Variants in DIAPH2 observed in about 807,000 individuals in gnomAD.
DIAPH2 encodes diaphanous related formin 2, also known as protein diaphanous homolog 2.
DIAPH2 carries 35 observed loss-of-function variants against 92.7 expected under a neutral mutation model. That is an observed-to-expected ratio of 0.38 (90% confidence interval 0.29 to 0.50). The LOEUF (loss-of-function observed/expected upper bound fraction) is 0.50, where lower values mean the gene tolerates loss of function less well. Among genes scored for constraint, DIAPH2 ranks in the 20% least tolerant of loss-of-function variants. The probability of loss-of-function intolerance (pLI) is 0.94; values close to 1 mark genes in which losing one functional copy is unlikely to be tolerated. For missense variants in DIAPH2, 701 were observed against 819.5 expected (o/e 0.86, Z 1.77); for synonymous variants, 301 against 280.4 (o/e 1.07, Z -0.73).
chrX:96,938,481 T>A (rs2065672458), intron 11 of DIAPH2, among the ~76,000 whole-genome samples: 1 of 111,891 alleles, frequency 8.9e-6, no homozygotes, highest in Admixed American at 9.5e-5. Flanking sequence ...CTCATGAGAC[T>A]TTAGCACAAC....
chrX:97,494,604 C>T (rs747591388), intron 26 of DIAPH2, among the ~76,000 whole-genome samples: 1 of 112,136 alleles, frequency 8.9e-6, no homozygotes, highest in Non-Finnish European at 1.9e-5. Context: ...AGCCACCCTT[C>T]CCATTCTTTC....
At chrX:97,486,675 T>G (rs1440945819) in intron 26 of DIAPH2, among the ~76,000 whole-genome samples, 2 of 111,881 alleles carry the variant, frequency 1.8e-5, no homozygotes, top group South Asian at 3.7e-4. Context: ...ACTAGCCCAG[T>G]GCAAGTAGGT....
At chrX:97,448,753 C>T (rs773491756) in intron 26 of DIAPH2, among the ~76,000 whole-genome samples, 7 of 111,820 alleles carry the variant, frequency 6.3e-5, no homozygotes, top group Non-Finnish European at 1.3e-4. Context: ...TTACTAATGC[C>T]AGCACTAGTT....
intron 22 of DIAPH2, among the ~76,000 whole-genome samples, chrX:97,161,043 GT>G (rs1376550732): frequency 3.6e-5 from 3 of 83,226 alleles, no homozygotes; most frequent in African/African-American, 7.8e-5. Flanking sequence ...TTTGTTTTTT[GT>G]TTTTTTGTTT....
At chrX:97,233,996 T>C (rs1602436483) in intron 22 of DIAPH2, among the ~76,000 whole-genome samples, 1 of 110,746 alleles carries the variant, frequency 9.0e-6, no homozygotes, top group Non-Finnish European at 1.9e-5. Context: ...AAAGAATTGT[T>C]GTAAGGAGAC....
rs769895971 is a variant in DIAPH2, at chrX:96,689,333, G to T, written c.132+4143G>T. Among the ~76,000 whole-genome samples, 5 of 101,242 alleles carry T rather than the reference G, an allele frequency of 4.9e-5. No individual in the cohort carries two copies. In the Admixed American group the frequency reaches 5.6e-4, roughly 11 times the overall value. 87.9% of individuals were successfully genotyped at this position (101,242 alleles called of 115,157 possible). ...GGTAACCCATTAAAGAGATTAAGGC[G>T]GAGAATGACCTGATCAGATTTGGGT... On this transcript the variant is annotated intron_variant, in intron 1 of 26. Coordinates refer to ENST00000324765, the MANE Select transcript of DIAPH2 (RefSeq NM_006729.5).
In DIAPH2 at chrX:97,538,030, G is replaced by T. The variant is rs745946903; in HGVS notation, c.3242-61223G>T. On this transcript the variant is annotated intron_variant, in intron 26 of 26. Coordinates refer to ENST00000324765, the MANE Select transcript of DIAPH2 (RefSeq NM_006729.5). Reference sequence around the variant, plus strand: ...CTCCCCAGTAGCTGGGACTACAGGCGCCCGCCACCGCACCCAGCTAATTTT... The same window carrying T: ...CTCCCCAGTAGCTGGGACTACAGGCTCCCGCCACCGCACCCAGCTAATTTT... 7.4e-5 allele frequency among the ~76,000 whole-genome samples: 8 copies of T among 108,709 alleles called. No homozygotes were observed. In the Admixed American group the frequency reaches 7.9e-4, roughly 11 times the overall value. The allele number at this position is 108,709 out of a possible 115,157, so 94.4% of individuals were successfully genotyped here.
chrX:96,783,541 G>T (rs2064434286), intron 4 of DIAPH2, among the ~76,000 whole-genome samples: 1 of 112,308 alleles, frequency 8.9e-6, no homozygotes, highest in South Asian at 3.7e-4. Flanking sequence ...GGAGATAAAT[G>T]TAATGAAGAC....
At chrX:96,980,603 T>C (rs2065990080) in intron 17 of DIAPH2, among the ~76,000 whole-genome samples, 1 of 110,762 alleles carries the variant, frequency 9.0e-6, no homozygotes, top group Non-Finnish European at 1.9e-5. Flanking sequence ...CCAGGGACCC[T>C]GCCCTTTTCT....
At chrX:97,310,726 G>A (rs1231100410) in intron 23 of DIAPH2, among the ~76,000 whole-genome samples, 2 of 111,486 alleles carry the variant, frequency 1.8e-5, no homozygotes, top group Non-Finnish European at 3.8e-5. Flanking sequence ...TGGATCTGCC[G>A]GGTGTGGTGG....
intron 26 of DIAPH2, among the ~76,000 whole-genome samples, chrX:97,591,749 C>T (rs1310710232): frequency 8.9e-6 from 1 of 111,974 alleles, no homozygotes; most frequent in African/African-American, 3.2e-5. Context: ...TCACCTTTTT[C>T]TGTATTTTCT....
At chrX:97,240,052 C>A (rs1432378930) in intron 22 of DIAPH2, among the ~76,000 whole-genome samples, 1 of 111,221 alleles carries the variant, frequency 9.0e-6, no homozygotes, top group African/African-American at 3.3e-5. Flanking sequence ...CATATTAATT[C>A]TTTTCTAATA....
At chrX:97,588,411 G>A (rs1016445035) in intron 26 of DIAPH2, among the ~76,000 whole-genome samples, 5 of 110,972 alleles carry the variant, frequency 4.5e-5, no homozygotes, top group Admixed American at 9.6e-5. Context: ...AAATTAACCC[G>A]GAATGCATGC....
chrX:97,323,407 C>T (rs2147657441), intron 23 of DIAPH2, among the ~76,000 whole-genome samples: 1 of 99,939 alleles, frequency 1.0e-5, no homozygotes, highest in African/African-American at 3.6e-5. Flanking sequence ...CTGGCGAACA[C>T]GGTGAAACCC....
At chrX:97,214,786 G>A (rs1011089085) in intron 22 of DIAPH2, among the ~76,000 whole-genome samples, 4 of 97,706 alleles carry the variant, frequency 4.1e-5, no homozygotes, top group Non-Finnish European at 8.0e-5. Context: ...AGCTGAGATC[G>A]CACCATTGTG....
At chrX:97,475,949 C>T (rs898631641) in intron 26 of DIAPH2, among the ~76,000 whole-genome samples, 1 of 111,754 alleles carries the variant, frequency 8.9e-6, no homozygotes, top group Non-Finnish European at 1.9e-5. Context: ...CTACTTGAGT[C>T]ATCAGGAAAA....
intron 22 of DIAPH2, among the ~76,000 whole-genome samples, chrX:97,195,856 A>T (rs2067699048): frequency 9.1e-6 from 1 of 109,833 alleles, no homozygotes; most frequent in South Asian, 4.0e-4. Context: ...TCCATGGGGC[A>T]GTAGTAAACG....
chrX:97,591,835 A>G (rs1391063544), intron 26 of DIAPH2, among the ~76,000 whole-genome samples: 1 of 112,307 alleles, frequency 8.9e-6, no homozygotes, highest in Non-Finnish European at 1.9e-5. Flanking sequence ...TGCATTCTCT[A>G]GTAAAGAAGC....
intron 5 of DIAPH2, among the ~76,000 whole-genome samples, chrX:96,911,041 T>C (rs2065466073): frequency 9.0e-6 from 1 of 111,489 alleles, no homozygotes; most frequent in South Asian, 3.8e-4. Context: ...AAGTGCAAGG[T>C]GGGCTCCAGC....
Sources: gnomAD v4.1 joint callset for allele counts (sites outside exome capture counted in the v4.1 genomes callset) on GRCh38, gnomAD v4.1.1 for gene constraint, MANE v1.5 for transcripts, NCBI Gene and HGNC (gene_info 2026-07-23, HGNC 2026-07-21) for gene names.